The following TAF5 variants were observed in gnomAD, a reference collection of about 807,000 sequenced individuals.
TAF5 encodes transcription initiation factor TFIID subunit 5.
A neutral mutation model predicts 80.9 loss-of-function variants in TAF5; 20 were observed. The observed-to-expected ratio is 0.25, with a 90% CI of 0.17 to 0.36. The LOEUF (loss-of-function observed/expected upper bound fraction) is 0.36, where lower values mean the gene tolerates loss of function less well. Ranked by LOEUF, TAF5 falls within the 10% of genes least tolerant of loss-of-function variation. The probability of loss-of-function intolerance (pLI) is 1.00; values close to 1 mark genes in which losing one functional copy is unlikely to be tolerated. For synonymous variants in TAF5, 388 were observed against 406.4 expected (o/e 0.95, Z 0.55); for missense variants, 863 against 1,029.4 (o/e 0.84, Z 2.21).
chr10:103,379,803 G>C, intron 4 of TAF5, 32 bp downstream of exon 4: 1 of 1,592,750 alleles, frequency 6.3e-7, no homozygotes, highest in Non-Finnish European at 8.5e-7. Context: ...CTTGTGTGTG[G>C]AGGTATAAGA....
intron 8 of TAF5, among the ~76,000 whole-genome samples, chr10:103,385,925 CAAAAAAAAAAAAA>C (rs761128565): frequency 1.9e-4 from 8 of 41,200 alleles, no homozygotes; most frequent in African/African-American, 9.8e-4. Context: ...GACTTCATCT[CAAAAAAAAAAAAA>C]AAAAAAAAAA....
At chr10:103,373,098 G>T (rs2093363242) in intron 1 of TAF5, among the ~76,000 whole-genome samples, 1 of 151,922 alleles carries the variant, frequency 6.6e-6, no homozygotes, top group Non-Finnish European at 1.5e-5. Flanking sequence ...AGCTACTTGG[G>T]AGGCCGAGGC....
chr10:103,382,274 A>G (rs901749503), intron 6 of TAF5, among the ~76,000 whole-genome samples: 1 of 152,158 alleles, frequency 6.6e-6, no homozygotes, highest in African/African-American at 2.4e-5. Flanking sequence ...CTAGAGTGCA[A>G]TGGCGCAGTC....
intron 5 of TAF5, 133 bp from the exon 6 acceptor site, chr10:103,381,588 T>C (rs901523428): frequency 4.7e-6 from 5 of 1,059,190 alleles, no homozygotes; most frequent in Non-Finnish European, 6.7e-6. Context: ...TCAAGAATTT[T>C]AAAAGTCTTT....
chr10:103,368,275 A>G lies in TAF5; in HGVS notation c.286A>G (p.Thr96Ala), dbSNP rs2093350028. ...CGCCGGCGCTCCGCATGACCGACAG[A>G]CTCTACTGGCCGTGCTGCAGTTCCT... ...PDAGAPHDRQ[T>A]LLAVLQFLRQ... The change falls in exon 1 of 11, where the codon ACT becomes GCT. Residue 96 changes from threonine (T) to alanine (A), a missense_variant. Around this residue, in one of 3 missense-constraint regions of TAF5, gnomAD observed 367 missense variants for 335.5 expected, o/e 1.09. Coordinates refer to ENST00000369839, the MANE Select transcript of TAF5 (RefSeq NM_006951.5). The G allele has an allele frequency of 1.9e-6, 3 of 1,564,278 alleles. No homozygotes were observed. In the East Asian group the frequency reaches 7.2e-5, roughly 37 times the overall value.
Position 103,368,365 on chromosome 10 carries a change from G to A in TAF5, c.376G>A (p.Ala126Thr). ...CCGTGAGGCCGGGCTGCTGGAGGAG[G>A]CAGTGGCGGGCTCCGGAGCCCCGGG... ...LRREAGLLEE[A>T]VAGSGAPGEV... The change falls in exon 1 of 11, where the codon GCA (alanine) becomes ACA (threonine). Residue 126 changes from alanine to threonine, a missense_variant. Around this residue, in one of 3 missense-constraint regions of TAF5, gnomAD observed 367 missense variants for 335.5 expected, o/e 1.09. Coordinates refer to ENST00000369839, the MANE Select transcript of TAF5 (RefSeq NM_006951.5). The A allele has an allele frequency of 1.9e-6, 3 of 1,564,272 alleles. No homozygotes were observed. The highest frequency in any genetic ancestry group is 2.6e-6 in the Non-Finnish European group (3 of 1,163,784).
In TAF5 at chr10:103,388,128, T is replaced by C. The variant is rs2133640434; in HGVS notation, c.2308T>C (p.Leu770=). Residue 770 remains leucine, a synonymous_variant, in exon 11 of 11, where the codon TTG becomes CTG. Transcript: ENST00000369839. ...NLPENSQELL[L]GTYMTKSTPV... is the part of the protein sequence containing the mutation. ...ACCTGAGAATTCACAGGAGTTATTG[T>C]TGGGAACATATATGACCAAATCAAC... The C allele has an allele frequency of 6.2e-7, 1 of 1,614,086 alleles. No homozygotes were observed. Among genetic ancestry groups the C allele is most frequent in the East Asian group, 2.2e-5 (1 of 44,854 alleles).
In TAF5 at chr10:103,373,389, T is replaced by C; in HGVS notation, c.591T>C (p.Asp197=). The C allele has an allele frequency of 6.2e-7, 1 of 1,614,128 alleles. No individual in the cohort carries two copies. Among genetic ancestry groups the C allele is most frequent in the Non-Finnish European group, 8.5e-7 (1 of 1,180,024 alleles). ...GTGTTGCTGTGGAAGACCAGCCAGATGTCAGTGCCGTGTTGTCAGCCTACA... is the reference window on the plus strand; with the variant it reads ...GTGTTGCTGTGGAAGACCAGCCAGACGTCAGTGCCGTGTTGTCAGCCTACA... The part of the protein sequence containing the change: ...VGSVAVEDQP[D]VSAVLSAYNQ... The change falls in exon 2 of 11, where the codon GAT becomes GAC. Residue 197 remains aspartate (D), a synonymous_variant. Coordinates refer to ENST00000369839, the MANE Select transcript of TAF5 (RefSeq NM_006951.5).
intron 1 of TAF5, among the ~76,000 whole-genome samples, chr10:103,371,939 T>C (rs975669048): frequency 6.7e-6 from 1 of 149,222 alleles, no homozygotes; most frequent in Admixed American, 6.7e-5. Flanking sequence ...CTCCTTGTTA[T>C]TGTTTTTTTT....
chr10:103,379,605 T>C lies in TAF5; in HGVS notation c.1114-3T>C, dbSNP rs756873043. ...TAAAAATGTTGGCTCTTTTGACTTG[T>C]AGGTATTTTTTGGTTTATTAAAAGA... On this transcript the variant is annotated splice_polypyrimidine_tract_variant and splice_region_variant and intron_variant, in intron 3 of 10. Coordinates refer to ENST00000369839, the MANE Select transcript of TAF5 (RefSeq NM_006951.5). 6.4e-7 allele frequency: 1 copy of C among 1,574,620 alleles called. No homozygotes were observed. Among genetic ancestry groups the C allele is most frequent in the Non-Finnish European group, 8.6e-7 (1 of 1,169,394 alleles).
intron 7 of TAF5, among the ~76,000 whole-genome samples, chr10:103,383,728 G>A (rs1473408401): frequency 2.6e-5 from 4 of 151,892 alleles, no homozygotes; most frequent in Non-Finnish European, 5.9e-5. Flanking sequence ...ACAGGCATGC[G>A]CCACCACACC....
At chr10:103,386,244 G>T (rs1212039268) in intron 8 of TAF5, among the ~76,000 whole-genome samples, 2 of 151,938 alleles carry the variant, frequency 1.3e-5, no homozygotes, top group South Asian at 4.2e-4. Context: ...TTCCAGACCA[G>T]CCTGGCCAAC....
intron 2 of TAF5, among the ~76,000 whole-genome samples, chr10:103,376,906 T>C (rs904784956): frequency 3.9e-5 from 6 of 152,246 alleles, no homozygotes; most frequent in Non-Finnish European, 8.8e-5. Flanking sequence ...TAGCCAGCCA[T>C]GGTGGCACGT....
At position 103,368,036 on chromosome 10, in the gene TAF5, A is replaced by T; in HGVS notation, c.47A>T (p.Glu16Val). The T allele has an allele frequency of 6.9e-7, 1 of 1,456,780 alleles. No individual in the cohort carries two copies. The highest frequency in any genetic ancestry group is 9.0e-7 in the Non-Finnish European group (1 of 1,109,050). The allele number at this position is 1,456,780 out of a possible 1,614,324, so 90.2% of individuals were successfully genotyped here. ...EEQTEVAVKL[E>V]PEGPPTLLPP... ...CAGACGGAGGTGGCGGTCAAGCTAG[A>T]GCCTGAGGGACCGCCAACGCTGCTA... Residue 16 changes from glutamate (E) to valine (V), a missense_variant, in exon 1 of 11, where the codon GAG becomes GTG. Transcript: ENST00000369839.
At position 103,368,350 on chromosome 10, in the gene TAF5, G is replaced by A; in HGVS notation, c.361G>A (p.Gly121Arg). 2 of 1,577,860 alleles carry A rather than the reference G, an allele frequency of 1.3e-6. No individual in the cohort carries two copies. Among genetic ancestry groups the A allele is most frequent in the South Asian group, 1.1e-5 (1 of 87,852 alleles). The part of the protein sequence containing the change: ...EAEEALRREA[G>R]LLEEAVAGSG... ...CGAAGAGGCGCTGCGCCGTGAGGCC[G>A]GGCTGCTGGAGGAGGCAGTGGCGGG... is the stretch of plus-strand genomic sequence containing the variant. Residue 121 changes from glycine to arginine, a missense_variant, in exon 1 of 11, where the codon GGG (glycine) becomes AGG (arginine). By Grantham distance (125) the Gly-to-Arg change is moderately radical. This residue lies in a region of TAF5 where 367 missense variants were observed against 335.5 expected (regional missense o/e 1.09). Transcript: ENST00000369839.
Position 103,388,351 on chromosome 10 carries a change from C to G in TAF5, c.*128C>G. 1 of 827,138 alleles carries G rather than the reference C, an allele frequency of 1.2e-6. No homozygotes were observed. Among genetic ancestry groups the G allele is most frequent in the South Asian group, 1.8e-5 (1 of 55,426 alleles). The allele number at this position is 827,138 out of a possible 1,614,324, so 51.2% of individuals were successfully genotyped here. A position where few individuals can be genotyped will look rare whatever the true frequency, so the allele number is the denominator to read the frequency against. The stretch of plus-strand genomic sequence containing the variant: ...TCTATATGGATCTGGAAGTATGCTG[C>G]TTGGAAAAATCTGAACAGGACAGTT... On this transcript the variant is annotated 3_prime_UTR_variant, in exon 11 of 11. Coordinates refer to ENST00000369839, the MANE Select transcript of TAF5 (RefSeq NM_006951.5).
At chr10:103,373,028 C>G (rs2093363132) in intron 1 of TAF5, among the ~76,000 whole-genome samples, 1 of 151,900 alleles carries the variant, frequency 6.6e-6, no homozygotes, top group Non-Finnish European at 1.5e-5. Flanking sequence ...CATGGTGAAA[C>G]CCTGTCTCTA....
chr10:103,384,373 AT>A (rs2093390716), intron 7 of TAF5, among the ~76,000 whole-genome samples: 1 of 152,166 alleles, frequency 6.6e-6, no homozygotes, highest in South Asian at 2.1e-4. Flanking sequence ...GCTCACGCCT[AT>A]AATCCCAGCA....
chr10:103,383,157 C>T (rs1214106771), intron 6 of TAF5, 81 bp from the exon 7 acceptor site: 96 of 1,307,248 alleles, frequency 7.3e-5, no homozygotes, highest in Non-Finnish European at 9.1e-5. Flanking sequence ...ATGTTAATTC[C>T]TCTCCTGCAC....
Sources: gnomAD v4.1 joint callset for allele counts (sites outside exome capture counted in the v4.1 genomes callset) on GRCh38, gnomAD v4.1.1 for gene constraint, gnomAD v4.1.1 regional missense constraint, MANE v1.5 for transcripts, NCBI Gene and HGNC (gene_info 2026-07-23, HGNC 2026-07-21) for gene names.